Variants in MSI2 observed in about 807,000 individuals in gnomAD.
MSI2 encodes the protein musashi RNA binding protein 2.
A neutral mutation model predicts 45.6 loss-of-function variants in MSI2; 17 were observed. The observed-to-expected ratio is 0.37, with a 90% CI of 0.26 to 0.56. The LOEUF (loss-of-function observed/expected upper bound fraction) is 0.56. MSI2 is among the 20% of genes least tolerant of loss of function. The pLI is 0.77. For synonymous variants in MSI2, 156 were observed against 158.2 expected (o/e 0.99, Z 0.11); for missense variants, 293 against 444.2 (o/e 0.66, Z 3.06).
chr17:57,409,637 A>G (rs1364185159), intron 6 of MSI2, among the ~76,000 whole-genome samples: 1 of 152,144 alleles, frequency 6.6e-6, no homozygotes. Context: ...GTTTCCAGGA[A>G]GGAAGAATCT....
intron 6 of MSI2, among the ~76,000 whole-genome samples, chr17:57,519,633 G>T (rs867854223): frequency 6.6e-6 from 1 of 152,052 alleles, no homozygotes; most frequent in Admixed American, 6.5e-5. Context: ...GCCTACCGGG[G>T]CAATATACCT....
intron 5 of MSI2, among the ~76,000 whole-genome samples, chr17:57,365,532 G>C (rs1917127083): frequency 2.6e-5 from 4 of 152,178 alleles, no homozygotes; most frequent in African/African-American, 9.7e-5. Context: ...GTGTTCTGCA[G>C]GCAGGGTAGA....
Position 57,651,083 on chromosome 17 carries a change from T to C in MSI2, c.728-1016T>C, listed in dbSNP as rs117096924. ...ATGTTTGTCTTTATATGTATGGGAG[T>C]GTATCTGTGTATGTCCCAGCACGAG... is the stretch of plus-strand genomic sequence containing the variant. On this transcript the variant is annotated intron_variant, in intron 10 of 13. Transcript: ENST00000284073. Among the ~76,000 whole-genome samples, 86 of 151,968 alleles carry C rather than the reference T, an allele frequency of 5.7e-4. 1 individual carries two copies. The East Asian group carries it at 0.017, about 30-fold the overall frequency.
chr17:57,468,717 G>A (rs539536221), intron 6 of MSI2, among the ~76,000 whole-genome samples: 3 of 152,126 alleles, frequency 2.0e-5, no homozygotes, highest in South Asian at 2.1e-4. Flanking sequence ...CATCAGTGCC[G>A]GGGGATGCAG....
At chr17:57,306,916 A>G (rs1206006696) in intron 5 of MSI2, among the ~76,000 whole-genome samples, 1 of 152,234 alleles carries the variant, frequency 6.6e-6, no homozygotes, top group Non-Finnish European at 1.5e-5. Flanking sequence ...CATATTCAAA[A>G]GCAAAGTGAT....
intron 8 of MSI2, among the ~76,000 whole-genome samples, chr17:57,597,988 CCT>C (rs1905429721): frequency 6.7e-6 from 1 of 149,576 alleles, no homozygotes; most frequent in South Asian, 2.1e-4. Context: ...GTCGTGTAGG[CCT>C]CCCAGATCAG....
rs139578943 is a variant in MSI2 at position 57,523,205 on chromosome 17, G to A, written c.406-6471G>A. Among the ~76,000 whole-genome samples the A allele has an allele frequency of 6.6e-5, 10 of 152,114 alleles. No homozygotes were observed. In the East Asian group the frequency reaches 9.7e-4, roughly 15 times the overall value. The stretch of plus-strand genomic sequence containing the variant: ...TGGGATTACAAGCACACACCACAAC[G>A]CCCACCTAATTTTTTGTATTTTTAG... On this transcript the variant is annotated intron_variant, in intron 6 of 13. Coordinates refer to ENST00000284073, the MANE Select transcript of MSI2 (RefSeq NM_138962.4).
intron 6 of MSI2, among the ~76,000 whole-genome samples, chr17:57,514,905 G>A (rs1230488858): frequency 6.6e-6 from 1 of 152,066 alleles, no homozygotes; most frequent in East Asian, 1.9e-4. Flanking sequence ...CAGGCACCAT[G>A]GGTACCCCAC....
At chr17:57,569,107 C>A (rs758303311) in intron 7 of MSI2, among the ~76,000 whole-genome samples, 56 of 151,814 alleles carry the variant, frequency 3.7e-4, no homozygotes, top group Middle Eastern at 3.4e-3. Context: ...TGGGGTGGGA[C>A]GGTGGATTAG....
chr17:57,312,186 C>G (rs1912455381), intron 5 of MSI2, among the ~76,000 whole-genome samples: 1 of 152,200 alleles, frequency 6.6e-6, no homozygotes, highest in African/African-American at 2.4e-5. Flanking sequence ...GTCAAGAGAA[C>G]TACATTATTG....
At chr17:57,572,373 G>A (rs2087901964) in intron 7 of MSI2, among the ~76,000 whole-genome samples, 1 of 152,178 alleles carries the variant, frequency 6.6e-6, no homozygotes, top group Admixed American at 6.5e-5. Flanking sequence ...GAAGCCTCTG[G>A]GATTAGAGGA....
chr17:57,414,018 C>CTT lies in MSI2; in HGVS notation c.405+12548_405+12549dup, dbSNP rs1020411019. Among the ~76,000 whole-genome samples the CTT allele has an allele frequency of 5.4e-4, 82 of 152,086 alleles. 3 individuals carry two copies. The highest frequency in any genetic ancestry group is 1.9e-3 in the African/African-American group (79 of 41,350). The stretch of plus-strand genomic sequence containing the variant: ...GTGGAACAGACAAGATCCTTGCTTA[C>CTT]TTGGAGCTTAACAAGCATGGGGTGT... On this transcript the variant is annotated intron_variant, in intron 6 of 13. Coordinates refer to ENST00000284073, the MANE Select transcript of MSI2 (RefSeq NM_138962.4).
intron 7 of MSI2, among the ~76,000 whole-genome samples, chr17:57,592,066 G>A (rs900371373): frequency 6.6e-6 from 1 of 151,882 alleles, no homozygotes; most frequent in Admixed American, 6.6e-5. Context: ...CAGCTACTTG[G>A]GAGGCTGAGG....
At chr17:57,378,540 G>A (rs1214792722) in intron 5 of MSI2, among the ~76,000 whole-genome samples, 1 of 152,182 alleles carries the variant, frequency 6.6e-6, no homozygotes, top group East Asian at 1.9e-4. Context: ...GGGATTACAG[G>A]CGTTAGCCAC....
chr17:57,665,779 C>T (rs909360057), intron 11 of MSI2, among the ~76,000 whole-genome samples: 2 of 152,186 alleles, frequency 1.3e-5, no homozygotes, highest in African/African-American at 4.8e-5. Context: ...GGTCCAGGCA[C>T]TTTCCTGGGG....
At chr17:57,257,620 G>A (rs1438109595) in intron 3 of MSI2, 73 bp downstream of exon 3, 2 of 1,141,392 alleles carry the variant, frequency 1.8e-6, no homozygotes, top group African/African-American at 3.1e-5. Flanking sequence ...AGGTGTCTTC[G>A]GAAGTAGCTA....
chr17:57,617,857 G>A (rs554984943), intron 9 of MSI2, among the ~76,000 whole-genome samples: 2 of 152,216 alleles, frequency 1.3e-5, no homozygotes, highest in East Asian at 3.9e-4. Context: ...GATCACCTGA[G>A]GTCAGGAGTT....
rs1913582288 is a variant in MSI2, at chr17:57,681,335, T to C, written c.*1818T>C. 1 of 180,780 alleles carries C rather than the reference T, an allele frequency of 5.5e-6. No homozygotes were observed. The highest frequency in any genetic ancestry group is 1.2e-5 in the Non-Finnish European group (1 of 84,604). 11.2% of individuals were successfully genotyped at this position (180,780 alleles called of 1,614,324 possible). A position where few individuals can be genotyped will look rare whatever the true frequency, so the allele number is the denominator to read the frequency against. On this transcript the variant is annotated 3_prime_UTR_variant, in exon 14 of 14. Transcript: ENST00000284073. ...ATTAAAACATATTGTAGTGTGGATA[T>C]ATATTTTTTCTTTTTTAAAATGTGA...
intron 6 of MSI2, among the ~76,000 whole-genome samples, chr17:57,430,825 T>C (rs947810314): frequency 2.8e-4 from 42 of 152,090 alleles, no homozygotes; most frequent in Admixed American, 2.0e-4. Flanking sequence ...TGGTGGTGGT[T>C]GGGTGGAGGA....
Sources: gnomAD v4.1 joint callset for allele counts (sites outside exome capture counted in the v4.1 genomes callset) on GRCh38, gnomAD v4.1.1 for gene constraint, MANE v1.5 for transcripts, NCBI Gene and HGNC (gene_info 2026-07-23, HGNC 2026-07-21) for gene names.